Variants in CENPE observed in about 807,000 individuals in gnomAD.
The protein encoded by CENPE is centromere protein E.
CENPE carries 145 observed loss-of-function variants against 336.1 expected under a neutral mutation model. The ratio of observed to expected loss-of-function variants is 0.43; its 90% CI spans 0.38 to 0.50. The LOEUF is 0.50. Ranked by LOEUF, CENPE falls within the 20% of genes least tolerant of loss-of-function variation. The pLI is 0.00. For synonymous variants in CENPE, 1,013 were observed against 984.8 expected (o/e 1.03, Z -0.54); for missense variants, 2,719 against 3,023.3 (o/e 0.90, Z 2.36).
Position 103,133,779 on chromosome 4 carries a change from T to C in CENPE, c.6636A>G (p.Ile2212Met). ...VEKQKELLIK[I>M]QHLQQDCDVP... ...CATCACAATCTTGTTGAAGGTGCTG[T>C]ATTTTAATTAGCAATTCCTTTTGCT... The change falls in exon 41 of 49, where the codon ATA (isoleucine) becomes ATG (methionine). Residue 2212 changes from isoleucine (I) to methionine (M), a missense_variant. Ile to Met is a conservative substitution (Grantham distance 10, BLOSUM62 1). Coordinates refer to ENST00000265148, the MANE Select transcript of CENPE (RefSeq NM_001813.3). 1 of 1,610,584 alleles carries C rather than the reference T, an allele frequency of 6.2e-7. No homozygotes were observed. The highest frequency in any genetic ancestry group is 1.7e-5 in the Admixed American group (1 of 59,942).
At chr4:103,181,117 T>C (rs755253846) in intron 12 of CENPE, among the ~76,000 whole-genome samples, 1 of 152,038 alleles carries the variant, frequency 6.6e-6, no homozygotes, top group African/African-American at 2.4e-5. Flanking sequence ...CCGTTGAAAA[T>C]AAAAAACAAA....
chr4:103,134,635 C>CAAAAAAA (rs36085712), intron 40 of CENPE, among the ~76,000 whole-genome samples: 3 of 64,784 alleles, frequency 4.6e-5, no homozygotes, highest in East Asian at 5.0e-4. Flanking sequence ...GACTCCGTCT[C>CAAAAAAA]AAAAAAAAAA....
At chr4:103,108,668 C>T in intron 48 of CENPE, 135 bp downstream of exon 48, 1 of 819,064 alleles carries the variant, frequency 1.2e-6, no homozygotes, top group Non-Finnish European at 1.9e-6. Flanking sequence ...CTTACAGAGT[C>T]AGCAAATGAA....
chr4:103,195,725 A>C (rs1211101702), intron 4 of CENPE, among the ~76,000 whole-genome samples, 195 bp downstream of exon 4: 1 of 152,168 alleles, frequency 6.6e-6, no homozygotes, highest in East Asian at 1.9e-4. Flanking sequence ...AGAATAAAAG[A>C]ACTTTAAGCT....
chr4:103,183,830 T>A (rs1471808179), intron 9 of CENPE, among the ~76,000 whole-genome samples: 1 of 152,224 alleles, frequency 6.6e-6, no homozygotes, highest in Admixed American at 6.5e-5. Context: ...TACAAGTTCG[T>A]ATGTATTTAT....
intron 23 of CENPE, 72 bp from the exon 24 acceptor site, chr4:103,158,530 C>T: frequency 3.3e-6 from 5 of 1,507,682 alleles, no homozygotes; most frequent in Non-Finnish European, 3.6e-6. Context: ...TACTACATAA[C>T]ATAATCATAA....
rs184181130 is a variant in CENPE at position 103,134,557 on chromosome 4, C to T, written c.6523-665G>A. 4.7e-3 allele frequency among the ~76,000 whole-genome samples: 696 copies of T among 146,602 alleles called. 9 individuals carry two copies. The highest frequency in any genetic ancestry group is 0.017 in the African/African-American group (677 of 39,464). ...CTGTGGCAGGAGAATGGCGTGAACC[C>T]GGGAGGCGGAGCTTGCAGTGAGCCG... On this transcript the variant is annotated intron_variant, in intron 40 of 48. Transcript: ENST00000265148.
intron 16 of CENPE, among the ~76,000 whole-genome samples, chr4:103,165,537 C>T (rs1403785850): frequency 6.6e-6 from 1 of 152,112 alleles, no homozygotes; most frequent in African/African-American, 2.4e-5. Context: ...TTTAGCTAAA[C>T]CTTTCCCCAA....
In CENPE at chr4:103,133,710, C is replaced by T; in HGVS notation, c.6705G>A (p.Met2235Ile). ...TAAATTATACCTCAATATGTAGATC[C>T]ATATTCTGGTTCAATTTGAGATCCC... ...ELRDLKLNQN[M>I]DLHIEEILKD... is the part of the protein sequence containing the mutation. The change falls in exon 41 of 49, where the codon ATG becomes ATA. Residue 2235 changes from methionine (M) to isoleucine (I), a missense_variant. By Grantham distance (10) the Met-to-Ile change is conservative. Around this residue, in one of 5 missense-constraint regions of CENPE, gnomAD observed 2,437 missense variants for 2,513.3 expected, o/e 0.97. Coordinates refer to ENST00000265148, the MANE Select transcript of CENPE (RefSeq NM_001813.3). 6.3e-7 allele frequency: 1 copy of T among 1,595,408 alleles called. No individual in the cohort carries two copies. Among genetic ancestry groups the T allele is most frequent in the Non-Finnish European group, 8.6e-7 (1 of 1,167,256 alleles).
Position 103,120,351 on chromosome 4 carries a change from C to A in CENPE, c.7144-18G>T. 6.3e-7 allele frequency: 1 copy of A among 1,589,092 alleles called. No homozygotes were observed. The highest frequency in any genetic ancestry group is 8.6e-7 in the Non-Finnish European group (1 of 1,167,164). On this transcript the variant is annotated intron_variant, in intron 43 of 48. Transcript: ENST00000265148. ...CGAATTTTCTATTAGAAAAAGCACA[C>A]ATTCATAAGCTCTATCATCAAGACA...
intron 26 of CENPE, among the ~76,000 whole-genome samples, chr4:103,149,628 G>C (rs866138119): frequency 6.6e-6 from 1 of 152,176 alleles, no homozygotes; most frequent in South Asian, 2.1e-4. Context: ...TTTGGAAATA[G>C]AGTCTTTGCA....
At chr4:103,159,885 G>A (rs1754290774) in intron 21 of CENPE, among the ~76,000 whole-genome samples, 1 of 151,766 alleles carries the variant, frequency 6.6e-6, no homozygotes. Flanking sequence ...TTTAATCACT[G>A]TGAAAGATAA....
chr4:103,194,234 G>T lies in CENPE; in HGVS notation c.688C>A (p.His230Asn). 6.2e-7 allele frequency: 1 copy of T among 1,611,230 alleles called. No homozygotes were observed. The highest frequency in any genetic ancestry group is 1.1e-5 in the South Asian group (1 of 90,958). ...TATGGTTCATTAATACTCACCAAATGGGATACCTTAACAGATCCTTCACAA... is the reference window on the plus strand; with the variant it reads ...TATGGTTCATTAATACTCACCAAATTGGATACCTTAACAGATCCTTCACAA... Reference protein sequence around the residue: ...SNCEGSVKVSHLNLVDLAGSE... With the variant: ...SNCEGSVKVSNLNLVDLAGSE... Residue 230 changes from histidine (H) to asparagine (N), a missense_variant, in exon 8 of 49, where the codon CAT (histidine) becomes AAT (asparagine). His to Asn is a moderately conservative substitution (Grantham distance 68). Around this residue, in one of 5 missense-constraint regions of CENPE, gnomAD observed 11 missense variants for 54.0 expected, o/e 0.20. Coordinates refer to ENST00000265148, the MANE Select transcript of CENPE (RefSeq NM_001813.3).
At position 103,144,522 on chromosome 4, in the gene CENPE, G is replaced by T; in HGVS notation, c.4954C>A (p.Gln1652Lys). ...KMCEIEHLKE[Q>K]FETQKLNLEN... Reference sequence around the variant, plus strand: ...AGGTTTAACTTCTGGGTCTCAAATTGCTCCTTCAAGTGTTCTATTTCACAC... The same window carrying T: ...AGGTTTAACTTCTGGGTCTCAAATTTCTCCTTCAAGTGTTCTATTTCACAC... The change falls in exon 33 of 49, where the codon CAA (glutamine) becomes AAA (lysine). Residue 1652 changes from glutamine to lysine, a missense_variant. Gln to Lys is a moderately conservative substitution (Grantham distance 53). Coordinates refer to ENST00000265148, the MANE Select transcript of CENPE (RefSeq NM_001813.3). 1 of 1,613,690 alleles carries T rather than the reference G, an allele frequency of 6.2e-7. No individual in the cohort carries two copies.
chr4:103,139,079 TCCTGTG>T (rs1335510833), intron 38 of CENPE, among the ~76,000 whole-genome samples: 18,766 of 142,210 alleles, frequency 0.13, 1,545 homozygotes, highest in Non-Finnish European at 0.17. Flanking sequence ...AAAGTTCATA[TCCTGTG>T]TACATTTTGC....
chr4:103,136,098 A>G (rs1415099444), intron 40 of CENPE, 43 bp downstream of exon 40: 2 of 1,499,910 alleles, frequency 1.3e-6, no homozygotes, highest in Admixed American at 1.8e-5. Flanking sequence ...ATTGATGTTT[A>G]TAACTGAAAT....
rs1479245338 is a variant in CENPE at position 103,177,009 on chromosome 4, T to C, written c.1280A>G (p.Lys427Arg). The change falls in exon 14 of 49, where the codon AAA (lysine) becomes AGA (arginine). Residue 427 changes from lysine (K) to arginine (R), a missense_variant. Physicochemically the swap from Lys to Arg is conservative, Grantham distance 26. Around this residue, in one of 5 missense-constraint regions of CENPE, gnomAD observed 2,437 missense variants for 2,513.3 expected, o/e 0.97. Coordinates refer to ENST00000265148, the MANE Select transcript of CENPE (RefSeq NM_001813.3). ...RKRRVTWCLGKINKMKNSNYA... is the reference protein window; with the variant it reads ...RKRRVTWCLGRINKMKNSNYA... ...GTTTGAGTTCTTCATTTTGTTAATT[T>C]TGCCAAGGCACCAAGTAACTCTTCG... 2.4e-5 allele frequency: 38 copies of C among 1,609,522 alleles called. No homozygotes were observed. Among genetic ancestry groups the C allele is most frequent in the Non-Finnish European group, 3.2e-5 (38 of 1,178,548 alleles).
chr4:103,191,252 A>T (rs1458642565), intron 8 of CENPE, among the ~76,000 whole-genome samples: 1 of 152,210 alleles, frequency 6.6e-6, no homozygotes, highest in Admixed American at 6.5e-5. Context: ...TTCCTCAGGG[A>T]TCTAGAACTA....
At chr4:103,145,720 CATT>C in intron 30 of CENPE, 39 bp from the exon 31 acceptor site, 1 of 1,526,138 alleles carries the variant, frequency 6.6e-7, no homozygotes, top group Non-Finnish European at 8.8e-7. Context: ...TTTATAGAAA[CATT>C]ATAACTATTT....
Sources: gnomAD v4.1 joint callset for allele counts (sites outside exome capture counted in the v4.1 genomes callset) on GRCh38, gnomAD v4.1.1 for gene constraint, gnomAD v4.1.1 regional missense constraint, MANE v1.5 for transcripts, NCBI Gene and HGNC (gene_info 2026-07-23, HGNC 2026-07-21) for gene names.